The following NELL1 variants were observed in gnomAD, a reference collection of about 807,000 sequenced individuals.
NELL1 encodes neural EGFL like 1.
Under a neutral mutation model 107.4 loss-of-function variants are expected in NELL1, and 76 were observed. The ratio of observed to expected loss-of-function variants is 0.71; its 90% CI spans 0.59 to 0.86. The LOEUF (loss-of-function observed/expected upper bound fraction) is 0.86, where lower values mean the gene tolerates loss of function less well. Ranked by LOEUF, NELL1 falls within the 40% of genes least tolerant of loss-of-function variation. The pLI, the probability that NELL1 is intolerant of heterozygous loss-of-function variation, is 0.00. For missense variants in NELL1, 1,024 were observed against 1,005.5 expected (o/e 1.02, Z -0.25); for synonymous variants, 353 against 341.2 (o/e 1.03, Z -0.38).
chr11:21,500,530 T>C (rs937820495), intron 15 of NELL1, among the ~76,000 whole-genome samples: 6 of 152,206 alleles, frequency 3.9e-5, no homozygotes, highest in Non-Finnish European at 8.8e-5. Context: ...CACCACAATA[T>C]TTATAATCAG....
intron 15 of NELL1, among the ~76,000 whole-genome samples, chr11:21,436,372 G>A: frequency 6.6e-6 from 1 of 151,944 alleles, no homozygotes; most frequent in Non-Finnish European, 1.5e-5. Context: ...ATTTAATCTT[G>A]TTCAGTTACA....
chr11:21,520,390 C>T (rs780610642), intron 15 of NELL1, among the ~76,000 whole-genome samples: 4 of 152,070 alleles, frequency 2.6e-5, no homozygotes, highest in Non-Finnish European at 5.9e-5. Flanking sequence ...AAGATGAATG[C>T]GGCTCAAATC....
intron 14 of NELL1, among the ~76,000 whole-genome samples, chr11:21,334,954 G>T (rs965866006): frequency 6.6e-6 from 1 of 151,816 alleles, no homozygotes; most frequent in Non-Finnish European, 1.5e-5. Context: ...TGTTGTTTTG[G>T]TTATCCATTG....
intron 13 of NELL1, among the ~76,000 whole-genome samples, chr11:21,123,334 C>T (rs972172446): frequency 2.3e-5 from 3 of 132,382 alleles, no homozygotes; most frequent in East Asian, 2.4e-4. Context: ...TGTGTGCCTG[C>T]GTGTGTGTGT....
At chr11:21,115,167 G>A (rs1398235678) in intron 13 of NELL1, among the ~76,000 whole-genome samples, 1 of 151,974 alleles carries the variant, frequency 6.6e-6, no homozygotes, top group Non-Finnish European at 1.5e-5. Context: ...TATGGAACAA[G>A]ATGGAAAATG....
chr11:21,309,282 A>ATATATATATATATATGTATATATATATG (rs1195512818), intron 14 of NELL1, among the ~76,000 whole-genome samples: 1 of 10,314 alleles, frequency 9.7e-5, no homozygotes. Context: ...ATATATATGT[A>ATATATATATATATATGTATATATATATG]TATATATATA....
intron 15 of NELL1, among the ~76,000 whole-genome samples, chr11:21,462,070 C>T (rs1458630975): frequency 6.9e-6 from 1 of 144,776 alleles, no homozygotes; most frequent in Non-Finnish European, 1.5e-5. Context: ...CATTCATGGT[C>T]TTGTGTGTAG....
At chr11:21,168,819 C>T (rs1415534339) in intron 13 of NELL1, among the ~76,000 whole-genome samples, 1 of 151,846 alleles carries the variant, frequency 6.6e-6, no homozygotes. Flanking sequence ...TCATCTTTCT[C>T]TGTTGTAACA....
chr11:21,416,845 A>G (rs184745362), intron 15 of NELL1, among the ~76,000 whole-genome samples: 13 of 152,204 alleles, frequency 8.5e-5, no homozygotes, highest in African/African-American at 2.4e-4. Context: ...TTTTCCTTCA[A>G]TATTTAGTTG....
At chr11:21,447,040 C>G (rs577434259) in intron 15 of NELL1, among the ~76,000 whole-genome samples, 57 of 152,186 alleles carry the variant, frequency 3.7e-4, no homozygotes, top group East Asian at 5.8e-4. Context: ...AGTGTCTCTT[C>G]CCATGTCTGC....
At chr11:21,545,966 G>T (rs2133983833) in intron 16 of NELL1, among the ~76,000 whole-genome samples, 1 of 152,020 alleles carries the variant, frequency 6.6e-6, no homozygotes, top group African/African-American at 2.4e-5. Context: ...TGATTCTGAA[G>T]CTCACTGAAT....
chr11:20,779,889 C>T (rs528663725), intron 2 of NELL1, among the ~76,000 whole-genome samples: 17 of 152,298 alleles, frequency 1.1e-4, no homozygotes, highest in African/African-American at 4.1e-4. Flanking sequence ...GGTACTTTAT[C>T]CAAAGTCACA....
intron 15 of NELL1, among the ~76,000 whole-genome samples, chr11:21,520,269 C>A (rs972195431): frequency 3.3e-5 from 5 of 152,144 alleles, no homozygotes; most frequent in Non-Finnish European, 7.4e-5. Flanking sequence ...CTTCTAAATT[C>A]TCAGTTTAAG....
intron 15 of NELL1, among the ~76,000 whole-genome samples, chr11:21,411,160 G>T (rs759012025): frequency 3.3e-5 from 5 of 152,128 alleles, no homozygotes; most frequent in Middle Eastern, 3.4e-3. Context: ...AATTTTCAAG[G>T]TTGGGAGAAT....
At chr11:20,757,566 C>T (rs186716745) in intron 2 of NELL1, among the ~76,000 whole-genome samples, 30 of 152,308 alleles carry the variant, frequency 2.0e-4, no homozygotes, top group Admixed American at 1.8e-3. Flanking sequence ...TCTTATTTGG[C>T]TCACTCTTTT....
At chr11:21,262,563 A>G (rs1848555580) in intron 14 of NELL1, 2 of 151,922 alleles carry the variant, frequency 1.3e-5, no homozygotes, top group South Asian at 4.1e-4. Flanking sequence ...GCAATTTGAA[A>G]AGGTATTGTA....
intron 14 of NELL1, among the ~76,000 whole-genome samples, chr11:21,326,280 G>T (rs1367369714): frequency 2.0e-5 from 3 of 149,844 alleles, no homozygotes; most frequent in East Asian, 3.9e-4. Flanking sequence ...TTGGCTTATT[G>T]GCTGTATGTC....
chr11:21,062,475 A>G (rs547613224), intron 12 of NELL1, among the ~76,000 whole-genome samples: 1 of 152,324 alleles, frequency 6.6e-6, no homozygotes, highest in South Asian at 2.1e-4. Flanking sequence ...ATTAACTAGA[A>G]AGCTTTTGGC....
intron 14 of NELL1, among the ~76,000 whole-genome samples, chr11:21,318,570 T>C (rs144121068): frequency 2.2e-4 from 34 of 152,256 alleles, no homozygotes; most frequent in African/African-American, 7.5e-4. Flanking sequence ...CTCACCCTCA[T>C]AATACCTCTA....
Sources: gnomAD v4.1 joint callset for allele counts (sites outside exome capture counted in the v4.1 genomes callset) on GRCh38, gnomAD v4.1.1 for gene constraint, MANE v1.5 for transcripts, NCBI Gene and HGNC (gene_info 2026-07-23, HGNC 2026-07-21) for gene names.